GRIP1: variants seen among roughly 807,000 people sequenced by gnomAD.
GRIP1 encodes the protein glutamate receptor interacting protein 1.
In GRIP1, 45 loss-of-function variants were observed where a neutral mutation model predicts 129.9. That is an observed-to-expected ratio of 0.35 (90% CI 0.27 to 0.44). GRIP1 has a LOEUF of 0.44. Among genes scored for constraint, GRIP1 ranks in the 20% least tolerant of loss-of-function variants. GRIP1 has a pLI of 1.00. For missense variants in GRIP1, 1,196 were observed against 1,396.8 expected, an observed-to-expected ratio of 0.86 and a Z score of 2.29; for synonymous variants, 530 against 520.8, an observed-to-expected ratio of 1.02 and a Z score of -0.24.
At chr12:66,458,812 G>C (rs1197714606) in intron 9 of GRIP1, among the ~76,000 whole-genome samples, 1 of 152,194 alleles carries the variant, frequency 6.6e-6, no homozygotes, top group Non-Finnish European at 1.5e-5. Flanking sequence ...CTTAGAACAA[G>C]TCAGGTTCCT....
At chr12:66,714,626 T>C (rs948876450) in intron 1 of GRIP1, among the ~76,000 whole-genome samples, 1 of 152,064 alleles carries the variant, frequency 6.6e-6, no homozygotes, top group Admixed American at 6.6e-5. Context: ...AATCATGGCA[T>C]TTTCATGCAC....
intron 2 of GRIP1, among the ~76,000 whole-genome samples, chr12:66,559,070 A>G (rs188514726): frequency 6.6e-6 from 1 of 152,224 alleles, no homozygotes; most frequent in East Asian, 1.9e-4. Flanking sequence ...AATGAAGGAC[A>G]AAAACCACAT....
chr12:66,922,813 T>A (rs1294165321), intron 1 of GRIP1, among the ~76,000 whole-genome samples: 1 of 152,134 alleles, frequency 6.6e-6, no homozygotes, highest in African/African-American at 2.4e-5. Context: ...TATGAGGTGG[T>A]CTTGAGGATA....
At chr12:66,575,346 A>G (rs981379850) in intron 2 of GRIP1, among the ~76,000 whole-genome samples, 3 of 152,236 alleles carry the variant, frequency 2.0e-5, no homozygotes, top group African/African-American at 7.2e-5. Context: ...AAATATTGGG[A>G]AAAACATACA....
intron 1 of GRIP1, among the ~76,000 whole-genome samples, chr12:67,008,381 T>C (rs1173134885): frequency 5.3e-5 from 8 of 152,200 alleles, no homozygotes; most frequent in African/African-American, 1.9e-4. Context: ...TAAAGGTTTA[T>C]CTTAAAGACT....
chr12:66,423,632 C>T (rs1194904864), intron 14 of GRIP1, among the ~76,000 whole-genome samples: 3 of 152,174 alleles, frequency 2.0e-5, no homozygotes, highest in Admixed American at 6.6e-5. Flanking sequence ...AGCGCCTCTG[C>T]TCTGGGCACT....
chr12:66,840,940 G>A (rs2039704555), intron 1 of GRIP1, among the ~76,000 whole-genome samples: 2 of 152,150 alleles, frequency 1.3e-5, no homozygotes, highest in Admixed American at 1.3e-4. Context: ...AATTGAAAGA[G>A]TTTCCAAGTA....
At chr12:66,938,974 G>C (rs2041538500) in intron 1 of GRIP1, among the ~76,000 whole-genome samples, 1 of 152,004 alleles carries the variant, frequency 6.6e-6, no homozygotes, top group Admixed American at 6.6e-5. Flanking sequence ...AAAAAAGAGA[G>C]AAAGCAGAAT....
chr12:66,378,014 T>C (rs1191885509), intron 20 of GRIP1, among the ~76,000 whole-genome samples: 1 of 152,004 alleles, frequency 6.6e-6, no homozygotes, highest in Non-Finnish European at 1.5e-5. Context: ...CCAAATGCTA[T>C]CAGTTTTTAT....
intron 1 of GRIP1, among the ~76,000 whole-genome samples, chr12:66,863,885 G>A (rs1328730468): frequency 2.0e-5 from 3 of 152,126 alleles, no homozygotes; most frequent in South Asian, 2.1e-4. Flanking sequence ...GAGGAGCAGA[G>A]ATCCAAGGAC....
intron 11 of GRIP1, among the ~76,000 whole-genome samples, chr12:66,449,418 G>A (rs2138159909): frequency 6.8e-6 from 1 of 146,318 alleles, no homozygotes; most frequent in South Asian, 2.1e-4. Context: ...GGAGGGTGAA[G>A]TAGATCATTT....
chr12:66,734,619 CAAGATATTTT>C (rs1263269218), intron 1 of GRIP1, among the ~76,000 whole-genome samples: 3 of 151,882 alleles, frequency 2.0e-5, no homozygotes, highest in African/African-American at 4.8e-5. Context: ...TTGTGAGGAA[CAAGATATTTT>C]AAGATATTTT....
intron 1 of GRIP1, among the ~76,000 whole-genome samples, chr12:66,826,094 G>A (rs1047043266): frequency 2.0e-5 from 3 of 152,160 alleles, no homozygotes; most frequent in African/African-American, 7.2e-5. Context: ...TAAAGAAAAT[G>A]TGGCACATAT....
At chr12:66,736,916 CA>C (rs1460439611) in intron 1 of GRIP1, among the ~76,000 whole-genome samples, 11 of 125,134 alleles carry the variant, frequency 8.8e-5, no homozygotes, top group Non-Finnish European at 1.7e-4. Flanking sequence ...GTTTGCAAGT[CA>C]TTTTTTTTTT....
chr12:66,726,074 G>A (rs2036245501), intron 1 of GRIP1, among the ~76,000 whole-genome samples: 3 of 152,114 alleles, frequency 2.0e-5, no homozygotes, highest in Admixed American at 1.3e-4. Context: ...GTAGAGAGGT[G>A]TGCACATGTG....
chr12:66,606,015 G>A (rs758685367), intron 1 of GRIP1, among the ~76,000 whole-genome samples: 17 of 151,936 alleles, frequency 1.1e-4, no homozygotes, highest in Non-Finnish European at 1.9e-4. Flanking sequence ...GAGGAACAAG[G>A]GCTATGTGTG....
At chr12:66,801,077 ATACCTT>A (rs1241919834) in intron 1 of GRIP1, among the ~76,000 whole-genome samples, 1 of 152,112 alleles carries the variant, frequency 6.6e-6, no homozygotes, top group Non-Finnish European at 1.5e-5. Context: ...TCTCCAGTCA[ATACCTT>A]TACCTAAATT....
intron 1 of GRIP1, among the ~76,000 whole-genome samples, chr12:66,822,178 A>G (rs1249131161): frequency 6.6e-6 from 1 of 152,244 alleles, no homozygotes; most frequent in Non-Finnish European, 1.5e-5. Flanking sequence ...ACACACGTAG[A>G]AGCAGAATCC....
chr12:67,040,382 C>A (rs2043159268), intron 1 of GRIP1, among the ~76,000 whole-genome samples: 1 of 152,208 alleles, frequency 6.6e-6, no homozygotes, highest in South Asian at 2.1e-4. Flanking sequence ...CTAACAATAA[C>A]ATTTTCAAGT....
Sources: gnomAD v4.1 joint callset for allele counts (sites outside exome capture counted in the v4.1 genomes callset) on GRCh38, gnomAD v4.1.1 for gene constraint, MANE v1.5 for transcripts, NCBI Gene and HGNC (gene_info 2026-07-23, HGNC 2026-07-21) for gene names.